KRABD5: variants seen among roughly 807,000 people sequenced by gnomAD.
KRABD5 encodes the protein KRAB domain-containing protein 5.
chr16:31,759,250 G>C, the KRABD5 span: 2 of 1,193,302 alleles, frequency 1.7e-6, no homozygotes, highest in African/African-American at 3.0e-5. Context: ...TACAGCTCAG[G>C]AATATGAAAA....
the KRABD5 span, among the ~76,000 whole-genome samples, chr16:31,747,380 A>T: frequency 1.3e-5 from 2 of 152,098 alleles, no homozygotes; most frequent in Non-Finnish European, 2.9e-5. Flanking sequence ...TTCTTAATCC[A>T]GTCTATCATT....
At chr16:31,724,462 C>T in the KRABD5 span, among the ~76,000 whole-genome samples, 9 of 151,636 alleles carry the variant, frequency 5.9e-5, no homozygotes, top group South Asian at 2.1e-4. Context: ...CCGATGCAGG[C>T]GGATCATGAG....
the KRABD5 span, among the ~76,000 whole-genome samples, chr16:31,730,015 TTTTG>T: frequency 0.014 from 2,123 of 152,214 alleles, 182 homozygotes; most frequent in Admixed American, 0.12. Context: ...TAAAAAATAG[TTTTG>T]TTTTATAGTT....
At chr16:31,754,289 C>T in the KRABD5 span, 1 of 622,846 alleles carries the variant, frequency 1.6e-6, no homozygotes, top group Non-Finnish European at 2.8e-6. Flanking sequence ...ACAAATAACA[C>T]CTCGTTCTGC....
the KRABD5 span, among the ~76,000 whole-genome samples, chr16:31,740,236 A>G: frequency 6.6e-6 from 1 of 152,148 alleles, no homozygotes; most frequent in Non-Finnish European, 1.5e-5. Flanking sequence ...CCTACTTGAT[A>G]GTACCCCATT....
the KRABD5 span, among the ~76,000 whole-genome samples, chr16:31,738,982 C>T: frequency 6.6e-6 from 1 of 152,124 alleles, no homozygotes; most frequent in African/African-American, 2.4e-5. Context: ...ATTGATATCA[C>T]AAATTATATC....
chr16:31,734,769 C>CA, the KRABD5 span, among the ~76,000 whole-genome samples: 1 of 148,428 alleles, frequency 6.7e-6, no homozygotes, highest in Non-Finnish European at 1.5e-5. Flanking sequence ...TTTTTTAAGA[C>CA]AGAGTCTTGC....
At chr16:31,755,680 T>TA in the KRABD5 span, 1 of 453,830 alleles carries the variant, frequency 2.2e-6, no homozygotes, top group South Asian at 1.6e-5. Context: ...GCTCAACCCT[T>TA]ACTCGACATA....
At chr16:31,748,208 T>C in the KRABD5 span, among the ~76,000 whole-genome samples, 1 of 152,218 alleles carries the variant, frequency 6.6e-6, no homozygotes, top group African/African-American at 2.4e-5. Flanking sequence ...TTTCTACATA[T>C]GGCTAGCCAG....
the KRABD5 span, among the ~76,000 whole-genome samples, chr16:31,718,351 A>G: frequency 6.6e-6 from 1 of 152,176 alleles, no homozygotes; most frequent in Non-Finnish European, 1.5e-5. Flanking sequence ...ACAGGGCCAG[A>G]CTTTGGACTG....
the KRABD5 span, among the ~76,000 whole-genome samples, chr16:31,739,756 C>T: frequency 6.6e-6 from 1 of 152,200 alleles, no homozygotes; most frequent in African/African-American, 2.4e-5. Flanking sequence ...TAAACAAAAT[C>T]TCGGCAGCAC....
At chr16:31,723,454 T>C in the KRABD5 span, 4 of 1,226,278 alleles carry the variant, frequency 3.3e-6, no homozygotes. Flanking sequence ...CCAGTGGAAA[T>C]GATTTTTGAG....
the KRABD5 span, among the ~76,000 whole-genome samples, chr16:31,728,105 A>T: frequency 6.6e-6 from 1 of 152,132 alleles, no homozygotes; most frequent in Admixed American, 6.6e-5. Context: ...TTTACCTGCC[A>T]TGGCCTCCAA....
At chr16:31,714,198 A>G in the KRABD5 span, among the ~76,000 whole-genome samples, 3 of 152,348 alleles carry the variant, frequency 2.0e-5, no homozygotes, top group South Asian at 6.2e-4. Flanking sequence ...AAGTGTTCAC[A>G]TATACTAAAT....
At chr16:31,720,296 G>A in the KRABD5 span, among the ~76,000 whole-genome samples, 157 of 152,202 alleles carry the variant, frequency 1.0e-3, no homozygotes, top group Non-Finnish European at 1.9e-3. Flanking sequence ...AAGTATTTGC[G>A]TTGTGATTAG....
At chr16:31,717,142 C>G in the KRABD5 span, among the ~76,000 whole-genome samples, 1 of 151,674 alleles carries the variant, frequency 6.6e-6, no homozygotes, top group Non-Finnish European at 1.5e-5. Flanking sequence ...ATTATAGGTG[C>G]CTGCCACCAC....
the KRABD5 span, among the ~76,000 whole-genome samples, chr16:31,734,648 T>C: frequency 6.6e-6 from 1 of 152,164 alleles, no homozygotes; most frequent in Non-Finnish European, 1.5e-5. Context: ...TGTGTAATTG[T>C]AACTTTATAC....
At chr16:31,756,856 G>C in the KRABD5 span, 1 of 152,122 alleles carries the variant, frequency 6.6e-6, no homozygotes, top group Non-Finnish European at 1.5e-5. Flanking sequence ...AACTATACAG[G>C]CAGAAATGCA....
chr16:31,737,399 G>A, the KRABD5 span, among the ~76,000 whole-genome samples: 2 of 152,168 alleles, frequency 1.3e-5, no homozygotes, highest in Admixed American at 6.5e-5. Context: ...GCATCTCTGT[G>A]TGCTGATAGA....
Sources: gnomAD v4.1 joint callset for allele counts (sites outside exome capture counted in the v4.1 genomes callset) on GRCh38, gnomAD v4.1.1 for gene constraint, MANE v1.5 for transcripts, NCBI Gene and HGNC (gene_info 2026-07-23, HGNC 2026-07-21) for gene names.